ERCC4: variants seen among roughly 807,000 people sequenced by gnomAD.
ERCC4 encodes the protein ERCC excision repair 4, endonuclease catalytic subunit.
ERCC4 carries 65 observed loss-of-function variants against 76.9 expected under a neutral mutation model. That is an observed-to-expected ratio of 0.84 (90% CI 0.69 to 1.04). The LOEUF is 1.04. Among genes scored for constraint, ERCC4 ranks in the 50% least tolerant of loss-of-function variants. The pLI is 0.00. For missense variants in ERCC4, 1,214 were observed against 1,128.2 expected (o/e 1.08, Z -1.09); for synonymous variants, 463 against 410.1 (o/e 1.13, Z -1.56).
chr16:13,935,107 G>A, intron 7 of ERCC4, 39 bp from the exon 8 acceptor site: 2 of 1,456,134 alleles, frequency 1.4e-6, no homozygotes, highest in Non-Finnish European at 1.9e-6. Flanking sequence ...AGGAGGACAA[G>A]TGAGGTAATA....
In ERCC4 at chr16:13,934,574, G is replaced by T. The variant is rs3136147; in HGVS notation, c.1213+272G>T. ...TTCATGAAAGCAGGTTTTTAAACTA[G>T]TTGGGTTCTTAGAACTTCTATTTAA... is the stretch of plus-strand genomic sequence containing the variant. On this transcript the variant is annotated intron_variant, in intron 7 of 10. Transcript: ENST00000311895. 99 of 413,738 alleles carry T rather than the reference G, an allele frequency of 2.4e-4. 1 individual carries two copies. The East Asian group carries it at 4.8e-3, about 20-fold the overall frequency. The allele number at this position is 413,738 out of a possible 1,614,324, so 25.6% of individuals were successfully genotyped here. A position where few individuals can be genotyped will look rare whatever the true frequency, so the allele number is the denominator to read the frequency against.
intron 8 of ERCC4, among the ~76,000 whole-genome samples, chr16:13,937,563 T>TGC (rs1323324007): frequency 6.6e-6 from 1 of 152,306 alleles, no homozygotes; most frequent in East Asian, 1.9e-4. Context: ...AAATAAAAAA[T>TGC]GCCCTGTGTG....
At position 13,950,552 on chromosome 16, in the gene ERCC4, A is replaced by G. The variant is rs2032611496; in HGVS notation, c.*2205A>G. On this transcript the variant is annotated 3_prime_UTR_variant, in exon 11 of 11. Coordinates refer to ENST00000311895, the MANE Select transcript of ERCC4 (RefSeq NM_005236.3). ...GCTAGAATGGAAAACAAAAATTTGA[A>G]TGATTACAACATTATCGTTAACATT... The G allele has an allele frequency of 5.2e-6, 1 of 193,686 alleles. No homozygotes were observed. Among genetic ancestry groups the G allele is most frequent in the South Asian group, 1.9e-4 (1 of 5,170 alleles). 12.0% of individuals were successfully genotyped at this position (193,686 alleles called of 1,614,324 possible). A position where few individuals can be genotyped will look rare whatever the true frequency, so the allele number is the denominator to read the frequency against.
chr16:13,920,336 C>T lies in ERCC4; in HGVS notation c.171C>T (p.Cys57=), dbSNP rs957786442. ...HFLQLHCHPA[C]LVLVLNTQPA... ...TCCAGCTGCACTGCCACCCAGCCTG[C>T]CTGGTGCTGGTGCTCAACACGCAGC... The change falls in exon 1 of 11, where the codon TGC becomes TGT. Residue 57 remains cysteine, a synonymous_variant. Coordinates refer to ENST00000311895, the MANE Select transcript of ERCC4 (RefSeq NM_005236.3). 10 of 1,597,182 alleles carry T rather than the reference C, an allele frequency of 6.3e-6. No individual in the cohort carries two copies. Among genetic ancestry groups the T allele is most frequent in the African/African-American group, 5.3e-5 (4 of 74,768 alleles).
chr16:13,947,773 G>T lies in ERCC4; in HGVS notation c.2177G>T (p.Arg726Leu). The T allele has an allele frequency of 6.2e-7, 1 of 1,614,224 alleles. No individual in the cohort carries two copies. The highest frequency in any genetic ancestry group is 1.6e-4 in the Middle Eastern group (1 of 6,062). ...YILTPEMCVE[R>L]KSISDLIGSL... The stretch of plus-strand genomic sequence containing the variant: ...CTCACTCCAGAAATGTGCGTGGAGC[G>T]CAAGAGTATCAGTGATTTAATCGGC... The change falls in exon 11 of 11, where the codon CGC becomes CTC. Residue 726 changes from arginine to leucine, a missense_variant. By Grantham distance (102) the Arg-to-Leu change is moderately radical (BLOSUM62 -2). Transcript: ENST00000311895.
rs765582513 is a variant in ERCC4, at chr16:13,948,325, C to T, written c.2729C>T (p.Ser910Leu). ...FIHTSFAEVV[S>L]KGKGKK Reference sequence around the variant, plus strand: ...CACACCTCTTTTGCAGAAGTCGTATCAAAAGGAAAAGGGAAAAAGTGAACA... The same window carrying T: ...CACACCTCTTTTGCAGAAGTCGTATTAAAAGGAAAAGGGAAAAAGTGAACA... The change falls in exon 11 of 11, where the codon TCA (serine) becomes TTA (leucine). Residue 910 changes from serine to leucine, a missense_variant. Transcript: ENST00000311895. 54 of 1,612,378 alleles carry T rather than the reference C, an allele frequency of 3.3e-5. No homozygotes were observed. Among genetic ancestry groups the T allele is most frequent in the Non-Finnish European group, 4.5e-5 (53 of 1,179,996 alleles).
At position 13,948,229 on chromosome 16, in the gene ERCC4, CCCTG is replaced by C. The variant is rs1230954687; in HGVS notation, c.2634_2637del (p.Leu879HisfsTer40). 6.2e-7 allele frequency: 1 copy of C among 1,614,038 alleles called. No homozygotes were observed. The highest frequency in any genetic ancestry group is 1.7e-5 in the Admixed American group (1 of 60,000). ...GTTAAGAACATCGCAGAATTAGCAG[CCCTG>C]TCACAAGACGAGCTCACGAGTATTC... On this transcript the variant is annotated frameshift_variant, in exon 11 of 11. Transcript: ENST00000311895. LOFTEE classifies it low-confidence loss of function (END_TRUNC).
chr16:13,940,306 A>C (rs575426929), intron 9 of ERCC4, among the ~76,000 whole-genome samples: 1 of 152,180 alleles, frequency 6.6e-6, no homozygotes, highest in South Asian at 2.1e-4. Context: ...AGAATCACTC[A>C]AACCCCAGGA....
Position 13,922,080 on chromosome 16 carries a change from G to A in ERCC4, c.257G>A (p.Arg86His), listed in dbSNP as rs187435008. The change falls in exon 2 of 11, where the codon CGC becomes CAC. Residue 86 changes from arginine to histidine, a missense_variant. Transcript: ENST00000311895. ...ATAGAAGGAGTTGAACACCTCCCTCGCCGTGTAACAAATGAAATCACAAGC... is the reference window on the plus strand; with the variant it reads ...ATAGAAGGAGTTGAACACCTCCCTCACCGTGTAACAAATGAAATCACAAGC... Reference protein sequence around the residue: ...LKIEGVEHLPRRVTNEITSNS... With the variant: ...LKIEGVEHLPHRVTNEITSNS... The A allele has an allele frequency of 7.1e-5, 114 of 1,613,668 alleles. 1 individual carries two copies. Among genetic ancestry groups the A allele is most frequent in the Admixed American group, 6.2e-4 (37 of 60,008 alleles).
rs765254949 is a variant in ERCC4, at chr16:13,935,623, A to G, written c.1691A>G (p.Tyr564Cys). 3.1e-6 allele frequency: 5 copies of G among 1,614,066 alleles called. No homozygotes were observed. The highest frequency in any genetic ancestry group is 2.2e-5 in the South Asian group (2 of 91,074). The change falls in exon 8 of 11, where the codon TAT (tyrosine) becomes TGT (cysteine). Residue 564 changes from tyrosine (Y) to cysteine (C), a missense_variant. Tyr to Cys is a radical substitution (Grantham distance 194, BLOSUM62 -2). Transcript: ENST00000311895. ...IHPLLGCSDP[Y>C]ALTRVLHEVE... ...CCGCTTCTGGGTTGCAGCGACCCCT[A>G]TGCTCTGACAAGGGTACTACATGAA...
intron 9 of ERCC4, among the ~76,000 whole-genome samples, chr16:13,943,414 G>C (rs1238265558): frequency 6.6e-6 from 1 of 152,206 alleles, no homozygotes; most frequent in African/African-American, 2.4e-5. Flanking sequence ...CAGCAGGAGA[G>C]AGAATGAGTG....
At chr16:13,927,988 G>T (rs2032102396) in intron 3 of ERCC4, 40 bp from the exon 4 acceptor site, 5 of 1,487,510 alleles carry the variant, frequency 3.4e-6, no homozygotes, top group African/African-American at 1.4e-5. Flanking sequence ...CATAGCTGCT[G>T]AAACTCTAGA....
At position 13,952,170 on chromosome 16, in the gene ERCC4, T is replaced by C. The variant is rs2032639030; in HGVS notation, c.*3823T>C. On this transcript the variant is annotated 3_prime_UTR_variant, in exon 11 of 11. Coordinates refer to ENST00000311895, the MANE Select transcript of ERCC4 (RefSeq NM_005236.3). ...TAACAGAGTTGTATTTGTGTGTGTT[T>C]AATAAAATATATATTTATTCAGTAC... 1 of 187,102 alleles carries C rather than the reference T, an allele frequency of 5.3e-6. No individual in the cohort carries two copies. The highest frequency in any genetic ancestry group is 1.1e-5 in the Non-Finnish European group (1 of 88,626). The allele number at this position is 187,102 out of a possible 1,614,324, so 11.6% of individuals were successfully genotyped here. A position where few individuals can be genotyped will look rare whatever the true frequency, so the allele number is the denominator to read the frequency against.
Position 13,949,588 on chromosome 16 carries a change from G to A in ERCC4, c.*1241G>A, listed in dbSNP as rs1383754156. The A allele has an allele frequency of 4.3e-6, 1 of 232,700 alleles. No individual in the cohort carries two copies. Among genetic ancestry groups the A allele is most frequent in the Non-Finnish European group, 8.5e-6 (1 of 117,760 alleles). 14.4% of individuals were successfully genotyped at this position (232,700 alleles called of 1,614,324 possible). ...GAGATAAAAAGGAGTGTAGGTAAAT[G>A]AAAGATCAATGTATGGAATATATAA... On this transcript the variant is annotated 3_prime_UTR_variant, in exon 11 of 11. Transcript: ENST00000311895.
Position 13,951,914 on chromosome 16 carries a change from A to G in ERCC4, c.*3567A>G. On this transcript the variant is annotated 3_prime_UTR_variant, in exon 11 of 11. Transcript: ENST00000311895. ...TAGGAAAGTTCTTTTTTCAGGATGG[A>G]GTATATTAAAATTAAGCCAGGCTTT... 1 of 215,708 alleles carries G rather than the reference A, an allele frequency of 4.6e-6. No individual in the cohort carries two copies. The highest frequency in any genetic ancestry group is 9.3e-6 in the Non-Finnish European group (1 of 107,066). The allele number at this position is 215,708 out of a possible 1,614,324, so 13.4% of individuals were successfully genotyped here. A position where few individuals can be genotyped will look rare whatever the true frequency, so the allele number is the denominator to read the frequency against.
At chr16:13,926,219 C>T (rs1282911833) in intron 2 of ERCC4, among the ~76,000 whole-genome samples, 1 of 152,234 alleles carries the variant, frequency 6.6e-6, no homozygotes, top group Non-Finnish European at 1.5e-5. Flanking sequence ...GTCCCCTCAG[C>T]CTGGCAGCCT....
intron 9 of ERCC4, 71 bp from the exon 10 acceptor site, chr16:13,944,652 C>A: frequency 9.9e-7 from 1 of 1,010,788 alleles, no homozygotes; most frequent in Non-Finnish European, 1.6e-6. Context: ...TTCAATACTA[C>A]AATTTACACA....
Position 13,950,871 on chromosome 16 carries a change from T to C in ERCC4, c.*2524T>C, listed in dbSNP as rs1306005364. The C allele has an allele frequency of 5.1e-6, 1 of 196,986 alleles. No individual in the cohort carries two copies. Among genetic ancestry groups the C allele is most frequent in the African/African-American group, 2.3e-5 (1 of 43,348 alleles). The allele number at this position is 196,986 out of a possible 1,614,324, so 12.2% of individuals were successfully genotyped here. ...CTACCATTTTCAACCGTCCTTGTTA[T>C]CTAGTACAACATAAATAACAGTCTT... On this transcript the variant is annotated 3_prime_UTR_variant, in exon 11 of 11. Coordinates refer to ENST00000311895, the MANE Select transcript of ERCC4 (RefSeq NM_005236.3).
rs73523762 is a variant in ERCC4 at position 13,941,540 on chromosome 16, T to C, written c.1905-3183T>C. 2.9e-3 allele frequency among the ~76,000 whole-genome samples: 449 copies of C among 152,282 alleles called. 4 individuals carry two copies. Among genetic ancestry groups the C allele is most frequent in the African/African-American group, 9.9e-3 (412 of 41,550 alleles). On this transcript the variant is annotated intron_variant, in intron 9 of 10. Transcript: ENST00000311895. ...GGTGATGTTGTAAGAACAAAAGCAG[T>C]TGTGGCTCTTTAACCAGAAAGGAAC... is the stretch of plus-strand genomic sequence containing the variant.
Sources: gnomAD v4.1 joint callset for allele counts (sites outside exome capture counted in the v4.1 genomes callset) on GRCh38, gnomAD v4.1.1 for gene constraint, MANE v1.5 for transcripts, NCBI Gene and HGNC (gene_info 2026-07-23, HGNC 2026-07-21) for gene names.